ANKRD36: variants seen among roughly 807,000 people sequenced by gnomAD.
The protein encoded by ANKRD36 is ankyrin repeat domain 36.
In ANKRD36, 179 loss-of-function variants were observed where a neutral mutation model predicts 278.1. The observed-to-expected ratio is 0.64, with a 90% CI of 0.57 to 0.73. The LOEUF (loss-of-function observed/expected upper bound fraction) is 0.73, where lower values mean the gene tolerates loss of function less well. Ranked by LOEUF, ANKRD36 falls within the 30% of genes least tolerant of loss-of-function variation. The probability of loss-of-function intolerance (pLI) is 0.00; values close to 1 mark genes in which losing one functional copy is unlikely to be tolerated. For synonymous variants in ANKRD36, 320 were observed against 641.1 expected (o/e 0.50, Z 7.57); for missense variants, 1,159 against 1,956.7 (o/e 0.59, Z 7.69).
intron 28 of ANKRD36, 55 bp downstream of exon 28, chr2:97,183,709 C>T (rs1343433644): frequency 3.3e-6 from 5 of 1,516,778 alleles, no homozygotes; most frequent in Non-Finnish European, 3.6e-6. Flanking sequence ...AAGAGAACGT[C>T]CCACCCCTGA....
intron 36 of ANKRD36, among the ~76,000 whole-genome samples, chr2:97,192,073 A>C (rs2058635327): frequency 6.6e-6 from 1 of 151,796 alleles, no homozygotes; most frequent in Non-Finnish European, 1.5e-5. Context: ...TTCAATGGAT[A>C]TTGGAATGAT....
In ANKRD36 at chr2:97,185,520, C is replaced by T. The variant is rs778484011; in HGVS notation, c.2041+10C>T. ...CTACAGTGTGGGACAGGTAATTTTG[C>T]AAAACACATTTAATGTCATGTTCAG... On this transcript the variant is annotated intron_variant, in intron 30 of 75. Coordinates refer to ENST00000420699, the MANE Select transcript of ANKRD36 (RefSeq NM_001354587.1). 5 of 1,609,186 alleles carry T rather than the reference C, an allele frequency of 3.1e-6. No homozygotes were observed. The highest frequency in any genetic ancestry group is 4.2e-6 in the Non-Finnish European group (5 of 1,177,600).
chr2:97,196,480 A>G (rs1245844746), intron 40 of ANKRD36, 113 bp from the exon 41 acceptor site: 11 of 1,549,326 alleles, frequency 7.1e-6, no homozygotes, highest in African/African-American at 5.5e-5. Flanking sequence ...AAGCCATCAA[A>G]GCCTATGCTA....
chr2:97,207,797 C>A lies in ANKRD36; in HGVS notation c.3164-14C>A. ...TTTACACATGAGTGATTATGAATCC[C>A]TTTTACTTTTCAGTGTCTTCTGAGA... On this transcript the variant is annotated splice_polypyrimidine_tract_variant and intron_variant, in intron 52 of 75. Coordinates refer to ENST00000420699, the MANE Select transcript of ANKRD36 (RefSeq NM_001354587.1). 1 of 1,545,780 alleles carries A rather than the reference C, an allele frequency of 6.5e-7. No individual in the cohort carries two copies. Among genetic ancestry groups the A allele is most frequent in the South Asian group, 1.2e-5 (1 of 83,762 alleles).
chr2:97,117,823 G>C (rs1352362033), intron 1 of ANKRD36, among the ~76,000 whole-genome samples: 2 of 151,866 alleles, frequency 1.3e-5, no homozygotes, highest in Non-Finnish European at 2.9e-5. Context: ...GCAAAGAAAG[G>C]CTAAATAACA....
rs541384388 is a variant in ANKRD36, at chr2:97,133,524, T to C, written c.799+6390T>C. ...ATATAGATGGTTCAGTTTTGTTTTA[T>C]ATTTTGTTAAATTTCTGTTTATAAT... On this transcript the variant is annotated intron_variant, in intron 6 of 75. Transcript: ENST00000420699. 7.2e-5 allele frequency among the ~76,000 whole-genome samples: 11 copies of C among 152,182 alleles called. 1 individual carries two copies. In the South Asian group the frequency reaches 2.3e-3, roughly 32 times the overall value.
chr2:97,139,773 C>A (rs1360158943), intron 6 of ANKRD36, among the ~76,000 whole-genome samples: 198 of 145,460 alleles, frequency 1.4e-3, no homozygotes, highest in South Asian at 2.9e-3. Flanking sequence ...ATGTCATGAC[C>A]CTGAGAAAAT....
At chr2:97,132,109 G>A (rs955877894) in intron 6 of ANKRD36, among the ~76,000 whole-genome samples, 47 of 151,512 alleles carry the variant, frequency 3.1e-4, no homozygotes, top group East Asian at 7.8e-4. Context: ...TTACAGGTGT[G>A]AGCCACCGCC....
chr2:97,143,264 TGTG>T (rs959311825), intron 8 of ANKRD36, among the ~76,000 whole-genome samples: 8 of 151,908 alleles, frequency 5.3e-5, no homozygotes, highest in Non-Finnish European at 1.0e-4. Flanking sequence ...AGACCTCTGA[TGTG>T]GTAATTATTT....
chr2:97,118,944 T>C (rs1346865074), intron 3 of ANKRD36: 1 of 80,522 alleles, frequency 1.2e-5, no homozygotes, highest in East Asian at 2.5e-4. Context: ...GTTGTTGCTG[T>C]TGAAAGTGTT....
intron 47 of ANKRD36, 22 bp downstream of exon 47, chr2:97,202,252 T>C: frequency 6.2e-7 from 1 of 1,608,214 alleles, no homozygotes; most frequent in Non-Finnish European, 8.5e-7. Flanking sequence ...CCCATTTATC[T>C]TGTGAACGAG....
At position 97,186,099 on chromosome 2, in the gene ANKRD36, A is replaced by C. The variant is rs372691636; in HGVS notation, c.2041+589A>C. 2.4e-3 allele frequency among the ~76,000 whole-genome samples: 364 copies of C among 151,992 alleles called. 11 individuals carry two copies. In the East Asian group the frequency reaches 0.062, roughly 26 times the overall value. ...TACACAAAAAAGATTTGATTTTGGCAGCTCCAGGAACTACTGGATGAAGCA... is the reference window on the plus strand; with the variant it reads ...TACACAAAAAAGATTTGATTTTGGCCGCTCCAGGAACTACTGGATGAAGCA... On this transcript the variant is annotated intron_variant, in intron 30 of 75. Transcript: ENST00000420699.
chr2:97,125,526 C>T (rs2038347945), intron 5 of ANKRD36, among the ~76,000 whole-genome samples: 1 of 150,502 alleles, frequency 6.6e-6, no homozygotes, highest in Non-Finnish European at 1.5e-5. Flanking sequence ...TCTAAACTGT[C>T]AGAGATATTC....
chr2:97,201,784 A>G (rs1460872784), intron 46 of ANKRD36, among the ~76,000 whole-genome samples: 1 of 151,918 alleles, frequency 6.6e-6, no homozygotes, highest in Admixed American at 6.6e-5. Context: ...AGCATGATGA[A>G]TGTTTGTAGT....
rs1239022402 is a variant in ANKRD36 at position 97,200,594 on chromosome 2, A to G, written c.2857+69A>G. 19 of 1,532,130 alleles carry G rather than the reference A, an allele frequency of 1.2e-5. No homozygotes were observed. In the Admixed American group the frequency reaches 3.6e-4, roughly 29 times the overall value. 94.9% of individuals were successfully genotyped at this position (1,532,130 alleles called of 1,614,324 possible). A position where few individuals can be genotyped will look rare whatever the true frequency, so the allele number is the denominator to read the frequency against. On this transcript the variant is annotated intron_variant, in intron 46 of 75. Coordinates refer to ENST00000420699, the MANE Select transcript of ANKRD36 (RefSeq NM_001354587.1). ...AGAAGTTCTCTTCCCCGAATAAATC[A>G]GTCGGGGGCTGGTTGAAGCTGCACG...
rs543975258 is a variant in ANKRD36, at chr2:97,191,070, G to A, written c.2275-39G>A. On this transcript the variant is annotated intron_variant, in intron 35 of 75. Coordinates refer to ENST00000420699, the MANE Select transcript of ANKRD36 (RefSeq NM_001354587.1). ...TATAGTCTATGAAATATACTTCATT[G>A]ATTTATTTATTTATTACTTTCTTTC... 3.5e-5 allele frequency: 55 copies of A among 1,592,128 alleles called. No homozygotes were observed. The African/African-American group carries it at 6.9e-4, about 20-fold the overall frequency.
chr2:97,150,014 C>T (rs1326185418), intron 12 of ANKRD36, among the ~76,000 whole-genome samples: 1 of 151,694 alleles, frequency 6.6e-6, no homozygotes, highest in Non-Finnish European at 1.5e-5. Flanking sequence ...GATTTTAAGA[C>T]CAAGCTTGAC....
At position 97,191,149 on chromosome 2, in the gene ANKRD36, C is replaced by T; in HGVS notation, c.2315C>T (p.Thr772Ile). ...DEKDSVSNIA[T>I]EIKDGEKSGT... ...AAAGATTCTGTTTCGAACATAGCCA[C>T]AGAAATAAAGGATGGAGAAAAATCT... Residue 772 changes from threonine (T) to isoleucine (I), a missense_variant, in exon 36 of 76, where the codon ACA (threonine) becomes ATA (isoleucine). Transcript: ENST00000420699. 6.3e-7 allele frequency: 1 copy of T among 1,598,866 alleles called. No individual in the cohort carries two copies. The highest frequency in any genetic ancestry group is 2.3e-5 in the East Asian group (1 of 43,842).
At chr2:97,187,134 A>C (rs1003580531) in intron 30 of ANKRD36, 64 bp from the exon 31 acceptor site, 1 of 1,601,800 alleles carries the variant, frequency 6.2e-7, no homozygotes, top group East Asian at 2.3e-5. Flanking sequence ...CTAACACCGC[A>C]TGAATGTATG....
Sources: gnomAD v4.1 joint callset for allele counts (sites outside exome capture counted in the v4.1 genomes callset) on GRCh38, gnomAD v4.1.1 for gene constraint, MANE v1.5 for transcripts, NCBI Gene and HGNC (gene_info 2026-07-23, HGNC 2026-07-21) for gene names.